Variants in TENM2 observed in about 807,000 individuals in gnomAD.
The protein encoded by TENM2 is teneurin-2.
TENM2 carries 52 observed loss-of-function variants against 245.2 expected under a neutral mutation model. The observed-to-expected ratio is 0.21, with a 90% CI of 0.17 to 0.27. The LOEUF is 0.27. Among genes scored for constraint, TENM2 ranks in the 10% least tolerant of loss-of-function variants. The pLI, the probability that TENM2 is intolerant of heterozygous loss-of-function variation, is 1.00. For missense variants in TENM2, 3,046 were observed against 3,666.8 expected (o/e 0.83, Z 4.37); for synonymous variants, 1,363 against 1,438.9 (o/e 0.95, Z 1.19).
chr5:167,677,951 A>T (rs1756445770), intron 2 of TENM2, among the ~76,000 whole-genome samples: 1 of 151,860 alleles, frequency 6.6e-6, no homozygotes, highest in Non-Finnish European at 1.5e-5. Flanking sequence ...AAATATTGAT[A>T]TGTTGATGTA....
intron 2 of TENM2, among the ~76,000 whole-genome samples, chr5:167,651,521 T>G (rs1754462270): frequency 6.6e-6 from 1 of 150,624 alleles, no homozygotes; most frequent in Non-Finnish European, 1.5e-5. Flanking sequence ...ACATGCATGC[T>G]ATTTTGTACC....
chr5:167,935,902 CG>C (rs946211563), intron 3 of TENM2, among the ~76,000 whole-genome samples: 13 of 150,672 alleles, frequency 8.6e-5, no homozygotes, highest in Non-Finnish European at 3.0e-5. Flanking sequence ...TTTTTTTTTT[CG>C]ATTTCCCCAG....
At chr5:167,892,809 G>T (rs72835647) in intron 3 of TENM2, among the ~76,000 whole-genome samples, 125 of 152,226 alleles carry the variant, frequency 8.2e-4, no homozygotes, top group Non-Finnish European at 1.1e-3. Flanking sequence ...TAACTTCTCT[G>T]TGTTTTAGTT....
At chr5:167,435,102 T>C (rs949505262) in intron 2 of TENM2, among the ~76,000 whole-genome samples, 3 of 152,220 alleles carry the variant, frequency 2.0e-5, no homozygotes, top group Non-Finnish European at 1.5e-5. Context: ...TCTTAAGCAA[T>C]TCTCCAATAA....
chr5:167,038,741 A>C, the TENM2 span, among the ~76,000 whole-genome samples: 1 of 152,182 alleles, frequency 6.6e-6, no homozygotes, highest in African/African-American at 2.4e-5. Context: ...CTTTCAACTT[A>C]ACACTTACCT....
chr5:167,826,216 A>G (rs1476855678), intron 2 of TENM2, among the ~76,000 whole-genome samples: 2 of 152,234 alleles, frequency 1.3e-5, no homozygotes, highest in African/African-American at 4.8e-5. Flanking sequence ...TATGCCAGCA[A>G]TAAAAAGAAG....
intron 2 of TENM2, among the ~76,000 whole-genome samples, chr5:167,687,758 C>T (rs1036084221): frequency 6.6e-6 from 1 of 152,064 alleles, no homozygotes; most frequent in Non-Finnish European, 1.5e-5. Flanking sequence ...TTCTTTCTTC[C>T]TCTCTGTCTC....
upstream of TENM2, among the ~76,000 whole-genome samples, chr5:167,284,303 A>T (rs750975231): frequency 6.6e-6 from 1 of 152,232 alleles, no homozygotes; most frequent in Non-Finnish European, 1.5e-5. Flanking sequence ...TTTATGCCTT[A>T]TGCTCAAATC....
chr5:168,078,514 G>T (rs398073728), intron 7 of TENM2, among the ~76,000 whole-genome samples: 8 of 151,998 alleles, frequency 5.3e-5, no homozygotes, highest in Admixed American at 6.6e-5. Flanking sequence ...CATGCCTATG[G>T]CCTGAATGGT....
At chr5:167,306,466 T>C (rs1272656718) in intron 1 of TENM2, 1 of 151,044 alleles carries the variant, frequency 6.6e-6, no homozygotes, top group Non-Finnish European at 1.5e-5. Context: ...TCAGAGCCCC[T>C]TTTCTGTAAG....
At chr5:167,808,378 G>A (rs1020529140) in intron 2 of TENM2, among the ~76,000 whole-genome samples, 2 of 152,160 alleles carry the variant, frequency 1.3e-5, no homozygotes, top group Non-Finnish European at 2.9e-5. Context: ...TCCTGCCTCA[G>A]CCTTTCAAGT....
chr5:167,400,804 A>C (rs1398426503), intron 2 of TENM2, among the ~76,000 whole-genome samples: 2 of 152,182 alleles, frequency 1.3e-5, no homozygotes, highest in Non-Finnish European at 2.9e-5. Context: ...AAGTAGAGCA[A>C]GGTCAACCAT....
chr5:167,439,099 G>A (rs1194361656), intron 2 of TENM2, among the ~76,000 whole-genome samples: 1 of 152,148 alleles, frequency 6.6e-6, no homozygotes, highest in Admixed American at 6.5e-5. Context: ...GGGCCGCCAA[G>A]TTTTTACACA....
At chr5:167,414,061 A>T (rs867806358) in intron 2 of TENM2, among the ~76,000 whole-genome samples, 1 of 152,158 alleles carries the variant, frequency 6.6e-6, no homozygotes, top group African/African-American at 2.4e-5. Flanking sequence ...AAAGGGTCAC[A>T]TTGGATGGAC....
intron 2 of TENM2, among the ~76,000 whole-genome samples, chr5:167,708,642 A>G (rs1758698089): frequency 6.6e-6 from 1 of 152,132 alleles, no homozygotes; most frequent in Non-Finnish European, 1.5e-5. Context: ...GAGGGCAGCC[A>G]CAAGGAGGAG....
chr5:167,623,874 C>T (rs1016919985), intron 2 of TENM2, among the ~76,000 whole-genome samples: 2 of 151,892 alleles, frequency 1.3e-5, no homozygotes, highest in African/African-American at 4.8e-5. Flanking sequence ...GGTAAGATAC[C>T]ATCTCACACC....
At chr5:167,929,652 T>G (rs552729147) in intron 3 of TENM2, among the ~76,000 whole-genome samples, 17 of 152,288 alleles carry the variant, frequency 1.1e-4, no homozygotes, top group South Asian at 8.3e-4. Flanking sequence ...TTCTGGGTCA[T>G]TTTCCAGAAA....
chr5:167,061,306 G>A, the TENM2 span, among the ~76,000 whole-genome samples: 1 of 152,084 alleles, frequency 6.6e-6, no homozygotes, highest in African/African-American at 2.4e-5. Context: ...CCTTGAAAGA[G>A]TTCAGAGTCT....
chr5:167,739,290 G>A (rs564217540), intron 2 of TENM2, among the ~76,000 whole-genome samples: 18 of 152,228 alleles, frequency 1.2e-4, no homozygotes, highest in South Asian at 2.1e-4. Context: ...TCGGGCTCAT[G>A]AAGTCACTCA....
Sources: gnomAD v4.1 joint callset for allele counts (sites outside exome capture counted in the v4.1 genomes callset) on GRCh38, gnomAD v4.1.1 for gene constraint, MANE v1.5 for transcripts, NCBI Gene and HGNC (gene_info 2026-07-23, HGNC 2026-07-21) for gene names.